NBEA: variants seen among roughly 807,000 people sequenced by gnomAD.
NBEA encodes the protein neurobeachin.
NBEA carries 44 observed loss-of-function variants against 343.4 expected under a neutral mutation model. That is an observed-to-expected ratio of 0.13 (90% confidence interval 0.10 to 0.16). The LOEUF is 0.16. Ranked by LOEUF, NBEA falls within the 10% of genes least tolerant of loss-of-function variation. The pLI, the probability that NBEA is intolerant of heterozygous loss-of-function variation, is 1.00. For synonymous variants in NBEA, 1,175 were observed against 1,238.7 expected, an observed-to-expected ratio of 0.95 and a Z score of 1.08; for missense variants, 2,555 against 3,631.3, an observed-to-expected ratio of 0.70 and a Z score of 7.62.
chr13:35,124,608 A>C (rs1250395396), intron 17 of NBEA, among the ~76,000 whole-genome samples: 1 of 149,380 alleles, frequency 6.7e-6, no homozygotes, highest in Non-Finnish European at 1.5e-5. Context: ...ATATATATAC[A>C]CATACATATA....
chr13:35,175,284 A>T (rs2152725587), intron 27 of NBEA, among the ~76,000 whole-genome samples: 1 of 152,260 alleles, frequency 6.6e-6, no homozygotes, highest in South Asian at 2.1e-4. Context: ...TGTTTGTATT[A>T]ATTAGACAAA....
chr13:35,524,124 T>C (rs999715447), intron 41 of NBEA, among the ~76,000 whole-genome samples: 3 of 152,342 alleles, frequency 2.0e-5, no homozygotes, highest in Non-Finnish European at 4.4e-5. Flanking sequence ...AAGGTCTTTC[T>C]TGGGGCACTG....
chr13:35,518,253 G>C (rs1384695250), intron 41 of NBEA, among the ~76,000 whole-genome samples: 1 of 152,034 alleles, frequency 6.6e-6, no homozygotes, highest in African/African-American at 2.4e-5. Flanking sequence ...AAATTAAAAA[G>C]AGAAATTAGA....
At chr13:35,298,028 A>G (rs2036252035) in intron 35 of NBEA, among the ~76,000 whole-genome samples, 1 of 151,692 alleles carries the variant, frequency 6.6e-6, no homozygotes, top group Non-Finnish European at 1.5e-5. Flanking sequence ...CTAATAGCTC[A>G]GTACTAGTGA....
chr13:35,618,762 T>C (rs548541245), intron 48 of NBEA, among the ~76,000 whole-genome samples: 5 of 152,318 alleles, frequency 3.3e-5, no homozygotes, highest in Admixed American at 3.3e-4. Context: ...AGGACAGAAA[T>C]AGAAAGTATC....
At chr13:35,568,800 TA>T (rs1265022912) in intron 45 of NBEA, among the ~76,000 whole-genome samples, 1 of 152,190 alleles carries the variant, frequency 6.6e-6, no homozygotes, top group Non-Finnish European at 1.5e-5. Flanking sequence ...CATCAGTGCT[TA>T]AAAACTTGGA....
intron 49 of NBEA, among the ~76,000 whole-genome samples, 200 bp from the exon 50 acceptor site, chr13:35,645,669 T>C (rs2084190911): frequency 6.6e-6 from 1 of 152,198 alleles, no homozygotes. Flanking sequence ...AAAAATAATA[T>C]TCCAGAATTC....
At chr13:35,550,405 A>G (rs2079261051) in intron 41 of NBEA, 72 bp from the exon 42 acceptor site, 1 of 798,812 alleles carries the variant, frequency 1.3e-6, no homozygotes, top group Non-Finnish European at 2.0e-6. Flanking sequence ...GACTTTTACT[A>G]AGTTACTGTC....
intron 41 of NBEA, among the ~76,000 whole-genome samples, chr13:35,498,074 A>G (rs1023935189): frequency 3.3e-5 from 5 of 152,034 alleles, no homozygotes; most frequent in Non-Finnish European, 7.4e-5. Context: ...TAAAGGTCAT[A>G]TGTACCAAAT....
chr13:35,572,713 TTTG>T (rs151081649), intron 45 of NBEA, among the ~76,000 whole-genome samples: 5,213 of 150,304 alleles, frequency 0.035, 319 homozygotes, highest in African/African-American at 0.12. Context: ...GCAAGTTGGG[TTTG>T]TTGTTGTTGT....
chr13:35,156,118 T>G lies in NBEA; in HGVS notation c.2563T>G (p.Ser855Ala). ...AGTGGTGGCAACTTTGTTAAAAAACTCTACACCAAGTGCAGAGCTGATGGA... is the reference window on the plus strand; with the variant it reads ...AGTGGTGGCAACTTTGTTAAAAAACGCTACACCAAGTGCAGAGCTGATGGA... ...LKVVATLLKN[S>A]TPSAELMEVR... The change falls in exon 20 of 59, where the codon TCT becomes GCT. Residue 855 changes from serine to alanine, a missense_variant. By Grantham distance (99) the Ser-to-Ala change is moderately conservative. Around this residue, in one of 21 missense-constraint regions of NBEA, gnomAD observed 360 missense variants for 519.1 expected, o/e 0.69. Coordinates refer to ENST00000379939, the MANE Select transcript of NBEA (RefSeq NM_001385012.1). 1.3e-6 allele frequency: 2 copies of G among 1,587,056 alleles called. No homozygotes were observed. Among genetic ancestry groups the G allele is most frequent in the African/African-American group, 1.4e-5 (1 of 73,592 alleles).
At chr13:35,543,587 C>T (rs1010068743) in intron 41 of NBEA, among the ~76,000 whole-genome samples, 8 of 152,014 alleles carry the variant, frequency 5.3e-5, no homozygotes, top group African/African-American at 1.9e-4. Context: ...TCAGGTATTT[C>T]GAATCATCCA....
chr13:35,489,711 T>C (rs1219940391), intron 41 of NBEA, among the ~76,000 whole-genome samples: 1 of 151,890 alleles, frequency 6.6e-6, no homozygotes, highest in Non-Finnish European at 1.5e-5. Flanking sequence ...TATGTTTTTG[T>C]TTAAATCTCA....
rs79103514 is a variant in NBEA, at chr13:35,138,174, A to G, written c.2337-4095A>G. On this transcript the variant is annotated intron_variant, in intron 17 of 58. Coordinates refer to ENST00000379939, the MANE Select transcript of NBEA (RefSeq NM_001385012.1). ...AAATAAGATCTACTTTTTACATACC[A>G]AATTGACTATTTTTCTGATTATTAT... is the stretch of plus-strand genomic sequence containing the variant. Among the ~76,000 whole-genome samples the G allele has an allele frequency of 7.0e-3, 1,071 of 152,288 alleles. 52 individuals carry two copies. The East Asian group carries it at 0.12, about 18-fold the overall frequency.
At chr13:35,386,531 A>G (rs921013359) in intron 38 of NBEA, among the ~76,000 whole-genome samples, 8 of 152,170 alleles carry the variant, frequency 5.3e-5, no homozygotes, top group African/African-American at 1.9e-4. Flanking sequence ...AAATATTTAC[A>G]ATAGCTCATT....
At position 35,074,771 on chromosome 13, in the gene NBEA, G is replaced by T. The variant is rs192859845; in HGVS notation, c.1571+3919G>T. On this transcript the variant is annotated intron_variant, in intron 10 of 58. Transcript: ENST00000379939. Reference sequence around the variant, plus strand: ...ATAGTAAAAAGGTTACTATAGTGAAGCAAATTAACATGTCTGTTGTCTCAC... The same window carrying T: ...ATAGTAAAAAGGTTACTATAGTGAATCAAATTAACATGTCTGTTGTCTCAC... 2.0e-5 allele frequency among the ~76,000 whole-genome samples: 3 copies of T among 152,228 alleles called. No homozygotes were observed. The East Asian group carries it at 5.8e-4, about 29-fold the overall frequency.
At chr13:35,483,723 A>T (rs1162848885) in intron 41 of NBEA, among the ~76,000 whole-genome samples, 1 of 152,078 alleles carries the variant, frequency 6.6e-6, no homozygotes, top group Non-Finnish European at 1.5e-5. Flanking sequence ...TTGCAGTTAC[A>T]ATAGAAATTT....
chr13:35,157,365 A>C, intron 21 of NBEA, 95 bp downstream of exon 21: 1 of 886,454 alleles, frequency 1.1e-6, no homozygotes, highest in Middle Eastern at 3.0e-4. Flanking sequence ...TGGGCATCTT[A>C]GATTTTGACA....
In NBEA at chr13:35,320,814, A is replaced by C. The variant is rs145330759; in HGVS notation, c.5903+11222A>C. On this transcript the variant is annotated intron_variant, in intron 36 of 58. Transcript: ENST00000379939. Reference sequence around the variant, plus strand: ...CACTGCTTTTAATTCTTTTTCTCTAATCTTGTCTTCACACTTTATTTCATT... The same window carrying C: ...CACTGCTTTTAATTCTTTTTCTCTACTCTTGTCTTCACACTTTATTTCATT... Among the ~76,000 whole-genome samples, 91 of 151,618 alleles carry C rather than the reference A, an allele frequency of 6.0e-4. 1 individual carries two copies. The highest frequency in any genetic ancestry group is 2.2e-3 in the African/African-American group (89 of 41,312).
Sources: gnomAD v4.1 joint callset for allele counts (sites outside exome capture counted in the v4.1 genomes callset) on GRCh38, gnomAD v4.1.1 for gene constraint, gnomAD v4.1.1 regional missense constraint, MANE v1.5 for transcripts, NCBI Gene and HGNC (gene_info 2026-07-23, HGNC 2026-07-21) for gene names.